Variants in GRIN2A observed in about 807,000 individuals in gnomAD.
GRIN2A encodes the protein glutamate receptor ionotropic, NMDA 2A.
GRIN2A carries 22 observed loss-of-function variants against 113.4 expected under a neutral mutation model. The observed-to-expected ratio is 0.19, with a 90% CI of 0.14 to 0.28. The LOEUF is 0.28. GRIN2A is among the 10% of genes least tolerant of loss of function. The pLI is 1.00. For synonymous variants in GRIN2A, 827 were observed against 738.4 expected, an observed-to-expected ratio of 1.12 and a Z score of -1.94; for missense variants, 1,502 against 1,887.0, an observed-to-expected ratio of 0.80 and a Z score of 3.78.
At chr16:9,986,560 C>T (rs762515970) in intron 2 of GRIN2A, among the ~76,000 whole-genome samples, 9 of 151,874 alleles carry the variant, frequency 5.9e-5, no homozygotes, top group Non-Finnish European at 1.0e-4. Flanking sequence ...GTCAGGAGTT[C>T]GAGACCAGTC....
intron 2 of GRIN2A, among the ~76,000 whole-genome samples, chr16:10,041,121 T>G (rs2047160724): frequency 6.6e-6 from 1 of 152,236 alleles, no homozygotes; most frequent in Admixed American, 6.5e-5. Context: ...CTTTAATGAA[T>G]CTTATCACCT....
chr16:10,122,158 G>T (rs1437210701), intron 2 of GRIN2A, among the ~76,000 whole-genome samples: 2 of 152,094 alleles, frequency 1.3e-5, no homozygotes, highest in Non-Finnish European at 2.9e-5. Context: ...ATATTCAAGA[G>T]CTTGACCAGC....
At chr16:9,976,903 A>T (rs1012936221) in intron 2 of GRIN2A, among the ~76,000 whole-genome samples, 3 of 152,224 alleles carry the variant, frequency 2.0e-5, no homozygotes, top group African/African-American at 7.2e-5. Context: ...AGGCTGCCAC[A>T]TGAGTGGAAT....
At chr16:9,833,078 T>C (rs115514118) in intron 8 of GRIN2A, among the ~76,000 whole-genome samples, 88 of 152,364 alleles carry the variant, frequency 5.8e-4, no homozygotes, top group African/African-American at 2.0e-3. Flanking sequence ...GAAAGAGATT[T>C]GGTCCTGACA....
intron 2 of GRIN2A, among the ~76,000 whole-genome samples, chr16:9,977,327 G>A (rs537965689): frequency 2.4e-4 from 37 of 151,874 alleles, no homozygotes; most frequent in East Asian, 1.9e-3. Context: ...AGGACTGACC[G>A]GAGTTTGAAT....
intron 2 of GRIN2A, among the ~76,000 whole-genome samples, chr16:10,155,126 T>A (rs1220809977): frequency 6.6e-6 from 1 of 152,194 alleles, no homozygotes; most frequent in African/African-American, 2.4e-5. Context: ...TGTAGGGTCA[T>A]ATTCCTCAGA....
intron 2 of GRIN2A, among the ~76,000 whole-genome samples, chr16:10,129,647 GA>G (rs1335042663): frequency 1.3e-5 from 2 of 152,192 alleles, no homozygotes; most frequent in Non-Finnish European, 2.9e-5. Flanking sequence ...AGGACCAAGG[GA>G]AAAGAGAGCA....
At chr16:9,788,437 T>C (rs1183842316) in intron 11 of GRIN2A, among the ~76,000 whole-genome samples, 1 of 151,942 alleles carries the variant, frequency 6.6e-6, no homozygotes, top group Non-Finnish European at 1.5e-5. Context: ...TGTGTATTTT[T>C]AGTAGAAATG....
chr16:10,059,719 C>T (rs533471343), intron 2 of GRIN2A, among the ~76,000 whole-genome samples: 13 of 56,858 alleles, frequency 2.3e-4, no homozygotes, highest in Non-Finnish European at 2.8e-4. Context: ...CCATCGTGAC[C>T]GAAAAAAAAA....
At chr16:10,052,693 G>A (rs183487123) in intron 2 of GRIN2A, among the ~76,000 whole-genome samples, 2 of 152,284 alleles carry the variant, frequency 1.3e-5, no homozygotes, top group East Asian at 1.9e-4. Flanking sequence ...AATCACTAGA[G>A]CAAATTCCAC....
At chr16:9,967,700 C>A (rs184999111) in intron 2 of GRIN2A, among the ~76,000 whole-genome samples, 1 of 151,588 alleles carries the variant, frequency 6.6e-6, no homozygotes, top group Admixed American at 6.6e-5. Flanking sequence ...AGCGAGACTC[C>A]ATCTCAAAAA....
At chr16:9,942,614 CT>C (rs2044910978) in intron 2 of GRIN2A, among the ~76,000 whole-genome samples, 1 of 152,134 alleles carries the variant, frequency 6.6e-6, no homozygotes, top group African/African-American at 2.4e-5. Flanking sequence ...TAAGAGGGTC[CT>C]CATCCTATTT....
chr16:9,931,284 A>C (rs1172367827), intron 3 of GRIN2A, among the ~76,000 whole-genome samples: 1 of 152,232 alleles, frequency 6.6e-6, no homozygotes, highest in Non-Finnish European at 1.5e-5. Context: ...CAGAGCTTGC[A>C]GTGTAACAAG....
chr16:10,103,439 T>C (rs1248987015), intron 2 of GRIN2A, among the ~76,000 whole-genome samples: 1 of 152,192 alleles, frequency 6.6e-6, no homozygotes, highest in African/African-American at 2.4e-5. Context: ...CCAGAATAGA[T>C]ACAAGAAGAA....
chr16:9,841,315 G>T (rs1475743676), intron 5 of GRIN2A, among the ~76,000 whole-genome samples: 1 of 152,180 alleles, frequency 6.6e-6, no homozygotes, highest in Non-Finnish European at 1.5e-5. Flanking sequence ...AACACTTATT[G>T]AGTAATTACT....
chr16:9,882,700 C>G (rs1019039450), intron 4 of GRIN2A, among the ~76,000 whole-genome samples: 1 of 152,038 alleles, frequency 6.6e-6, no homozygotes, highest in Non-Finnish European at 1.5e-5. Context: ...GGCAGGAAGA[C>G]CCCTTAAGCC....
chr16:9,981,441 AC>A (rs1439192025), intron 2 of GRIN2A, among the ~76,000 whole-genome samples: 1 of 152,004 alleles, frequency 6.6e-6, no homozygotes, highest in Non-Finnish European at 1.5e-5. Flanking sequence ...AGTATAACAA[AC>A]CCCCATGTAT....
chr16:10,000,824 T>C (rs555879412), intron 2 of GRIN2A, among the ~76,000 whole-genome samples: 37 of 152,304 alleles, frequency 2.4e-4, no homozygotes, highest in African/African-American at 8.2e-4. Flanking sequence ...CAATACTGCA[T>C]ATCTTCAGCT....
At chr16:9,879,519 C>T (rs924317657) in intron 4 of GRIN2A, among the ~76,000 whole-genome samples, 2 of 152,148 alleles carry the variant, frequency 1.3e-5, no homozygotes, top group East Asian at 1.9e-4. Context: ...TCTCAGATTC[C>T]GCGGCCACTA....
Sources: gnomAD v4.1 joint callset for allele counts (sites outside exome capture counted in the v4.1 genomes callset) on GRCh38, gnomAD v4.1.1 for gene constraint, MANE v1.5 for transcripts, NCBI Gene and HGNC (gene_info 2026-07-23, HGNC 2026-07-21) for gene names.